Variants in DGKB observed in about 807,000 individuals in gnomAD.
The protein encoded by DGKB is 90 kDa diacylglycerol kinase.
Under a neutral mutation model 114.3 loss-of-function variants are expected in DGKB, and 67 were observed. That is an observed-to-expected ratio of 0.59 (90% confidence interval 0.48 to 0.72). The LOEUF (loss-of-function observed/expected upper bound fraction) is 0.72, where lower values mean the gene tolerates loss of function less well. Ranked by LOEUF, DGKB falls within the 30% of genes least tolerant of loss-of-function variation. The probability of loss-of-function intolerance (pLI) is 0.00; values close to 1 mark genes in which losing one functional copy is unlikely to be tolerated. For missense variants in DGKB, 907 were observed against 975.2 expected (o/e 0.93, Z 0.93); for synonymous variants, 398 against 323.1 (o/e 1.23, Z -2.49).
At chr7:14,909,200 G>T (rs1562868073) in intron 1 of DGKB, among the ~76,000 whole-genome samples, 1 of 152,070 alleles carries the variant, frequency 6.6e-6, no homozygotes. Flanking sequence ...TATGTACTGT[G>T]CAGCTCACAC....
intron 23 of DGKB, among the ~76,000 whole-genome samples, chr7:14,308,939 T>C (rs889690182): frequency 6.6e-6 from 1 of 152,110 alleles, no homozygotes; most frequent in African/African-American, 2.4e-5. Context: ...AAATAGGCTG[T>C]GCATGGTGGC....
At chr7:14,293,784 A>G (rs897809256) in intron 23 of DGKB, among the ~76,000 whole-genome samples, 1 of 152,124 alleles carries the variant, frequency 6.6e-6, no homozygotes, top group Non-Finnish European at 1.5e-5. Flanking sequence ...AAACCCTCCA[A>G]TGGCTTCCTG....
At chr7:14,847,527 T>C (rs571638580) in intron 1 of DGKB, among the ~76,000 whole-genome samples, 1 of 152,286 alleles carries the variant, frequency 6.6e-6, no homozygotes, top group African/African-American at 2.4e-5. Context: ...AAGTCTAAAT[T>C]TGAGACCCAA....
At chr7:14,361,247 G>GA (rs796264540) in intron 21 of DGKB, among the ~76,000 whole-genome samples, 5 of 151,904 alleles carry the variant, frequency 3.3e-5, no homozygotes, top group Non-Finnish European at 7.4e-5. Context: ...GCTAGAAACA[G>GA]AAAAAACAGA....
intron 23 of DGKB, among the ~76,000 whole-genome samples, chr7:14,241,982 A>G (rs955466591): frequency 1.3e-5 from 2 of 151,184 alleles, no homozygotes; most frequent in Non-Finnish European, 3.0e-5. Context: ...ACACACACAC[A>G]CACACATATA....
At chr7:14,252,120 T>C (rs1229414454) in intron 23 of DGKB, among the ~76,000 whole-genome samples, 1 of 152,182 alleles carries the variant, frequency 6.6e-6, no homozygotes, top group Non-Finnish European at 1.5e-5. Context: ...CTGAATCTTG[T>C]ATAATGCATA....
intron 2 of DGKB, among the ~76,000 whole-genome samples, chr7:14,779,952 T>A (rs1312797423): frequency 6.6e-6 from 1 of 152,216 alleles, no homozygotes; most frequent in Non-Finnish European, 1.5e-5. Context: ...TTCTTAACTA[T>A]ACCTTTATTT....
At chr7:14,888,677 A>C (rs992708428) in intron 1 of DGKB, among the ~76,000 whole-genome samples, 1 of 151,782 alleles carries the variant, frequency 6.6e-6, no homozygotes, top group Non-Finnish European at 1.5e-5. Context: ...TTAATTCTTC[A>C]AAGTTTCCCT....
At chr7:14,231,085 T>TTCCTTCTC (rs1791676957) in intron 23 of DGKB, among the ~76,000 whole-genome samples, 1 of 41,874 alleles carries the variant, frequency 2.4e-5, no homozygotes, top group Non-Finnish European at 4.4e-5. Flanking sequence ...TTCTTTCCCT[T>TTCCTTCTC]TCTTTCTTTC....
chr7:14,729,581 C>T (rs963623341), intron 5 of DGKB, among the ~76,000 whole-genome samples: 9 of 152,128 alleles, frequency 5.9e-5, no homozygotes, highest in Non-Finnish European at 1.3e-4. Flanking sequence ...CTCCTTGGAA[C>T]TCCTTTCACA....
intron 17 of DGKB, among the ~76,000 whole-genome samples, chr7:14,592,827 T>A (rs1410216113): frequency 6.6e-6 from 1 of 151,892 alleles, no homozygotes; most frequent in Non-Finnish European, 1.5e-5. Context: ...TAATTTAAAG[T>A]AAAATTAATT....
intron 16 of DGKB, among the ~76,000 whole-genome samples, chr7:14,607,927 T>C (rs1804824702): frequency 1.3e-5 from 2 of 152,024 alleles, no homozygotes; most frequent in Non-Finnish European, 2.9e-5. Flanking sequence ...AGATCTCTGA[T>C]AGATCTGAAA....
At chr7:14,209,181 A>G (rs1787329291) in intron 23 of DGKB, 1 of 241,998 alleles carries the variant, frequency 4.1e-6, no homozygotes, top group South Asian at 3.2e-5. Flanking sequence ...TAGAAAAAAA[A>G]AAAACGCCAA....
At chr7:14,580,714 AC>A in intron 19 of DGKB, 147 bp downstream of exon 19, 1 of 461,016 alleles carries the variant, frequency 2.2e-6, no homozygotes, top group Non-Finnish European at 3.8e-6. Context: ...TCTATCCAAG[AC>A]TATTGTTCAA....
intron 23 of DGKB, among the ~76,000 whole-genome samples, chr7:14,222,845 T>C (rs914667800): frequency 6.6e-6 from 1 of 151,636 alleles, no homozygotes; most frequent in Non-Finnish European, 1.5e-5. Flanking sequence ...TTAGGGTATA[T>C]ATGTTTACAA....
chr7:14,414,351 G>A (rs1825372909), intron 21 of DGKB, among the ~76,000 whole-genome samples: 1 of 152,032 alleles, frequency 6.6e-6, no homozygotes, highest in Non-Finnish European at 1.5e-5. Context: ...AATGAGAGTT[G>A]AAAAGACTCC....
chr7:14,483,479 A>G (rs908951699), intron 20 of DGKB, among the ~76,000 whole-genome samples: 1 of 152,158 alleles, frequency 6.6e-6, no homozygotes, highest in African/African-American at 2.4e-5. Flanking sequence ...TTGATGACGT[A>G]AAGGACTGAG....
intron 1 of DGKB, among the ~76,000 whole-genome samples, chr7:14,920,373 T>G (rs10228824): frequency 0.019 from 2,845 of 152,232 alleles, 76 homozygotes; most frequent in African/African-American, 0.064. Context: ...GGTATACAGA[T>G]GGCAAATAAA....
chr7:14,774,156 A>T (rs1286742473), intron 2 of DGKB, among the ~76,000 whole-genome samples: 4 of 152,244 alleles, frequency 2.6e-5, no homozygotes, highest in African/African-American at 9.6e-5. Flanking sequence ...TTCAAGCCAT[A>T]GAGAAATGTC....
Sources: allele counts gnomAD v4.1 joint callset (sites outside exome capture counted in the v4.1 genomes callset), GRCh38; gene constraint gnomAD v4.1.1; transcripts MANE v1.5; gene names NCBI Gene and HGNC (gene_info 2026-07-23, HGNC 2026-07-21).